The following ZNF438 variants were observed in gnomAD, a reference collection of about 807,000 sequenced individuals.
ZNF438 encodes the protein zinc finger protein 438.
ZNF438 carries 25 observed loss-of-function variants against 38.0 expected under a neutral mutation model. That is an observed-to-expected ratio of 0.66 (90% CI 0.48 to 0.92). The LOEUF (loss-of-function observed/expected upper bound fraction) is 0.92, where lower values mean the gene tolerates loss of function less well. Ranked by LOEUF, ZNF438 falls within the 40% of genes least tolerant of loss-of-function variation. The probability of loss-of-function intolerance (pLI) is 0.00; values close to 1 mark genes in which losing one functional copy is unlikely to be tolerated. For missense variants in ZNF438, 1,007 were observed against 999.6 expected, an observed-to-expected ratio of 1.01 and a Z score of -0.10; for synonymous variants, 372 against 364.1, an observed-to-expected ratio of 1.02 and a Z score of -0.25.
intron 2 of ZNF438, chr10:30,910,358 A>T (rs1361226758): frequency 6.6e-6 from 1 of 152,212 alleles, no homozygotes; most frequent in East Asian, 1.9e-4. Context: ...GCAAATGCTT[A>T]CATTCCTATA....
chr10:30,853,388 T>C (rs989880174), intron 4 of ZNF438, among the ~76,000 whole-genome samples: 2 of 152,226 alleles, frequency 1.3e-5, no homozygotes, highest in Non-Finnish European at 2.9e-5. Flanking sequence ...AAAGGCCTCA[T>C]GCTTAAAAAG....
intron 4 of ZNF438, among the ~76,000 whole-genome samples, chr10:30,866,839 A>C (rs1357692731): frequency 6.6e-6 from 1 of 152,102 alleles, no homozygotes; most frequent in Non-Finnish European, 1.5e-5. Context: ...GTCTCAAAAA[A>C]AAAAAACCAA....
intron 1 of ZNF438, among the ~76,000 whole-genome samples, chr10:30,988,291 A>C (rs1483569657): frequency 6.6e-6 from 1 of 152,092 alleles, no homozygotes; most frequent in Admixed American, 6.6e-5. Context: ...TATATAGAAA[A>C]CAGTAACTTG....
At position 31,000,248 on chromosome 10, in the gene ZNF438, T is replaced by G. The variant is rs750091367; in HGVS notation, c.-192+31585A>C. On this transcript the variant is annotated intron_variant, in intron 1 of 5. Transcript: ENST00000413025. ...ATTTCAGGTATTTCAGATAATGACATCACCATCTAGCCAGCGGAGTCTCAC... is the reference window on the plus strand; with the variant it reads ...ATTTCAGGTATTTCAGATAATGACAGCACCATCTAGCCAGCGGAGTCTCAC... 5.6e-4 allele frequency among the ~76,000 whole-genome samples: 85 copies of G among 152,326 alleles called. 1 individual carries two copies. The highest frequency in any genetic ancestry group is 6.8e-3 in the Middle Eastern group (2 of 294).
intron 4 of ZNF438, among the ~76,000 whole-genome samples, chr10:30,853,194 TTCC>T (rs1316103377): frequency 6.6e-6 from 1 of 152,248 alleles, no homozygotes; most frequent in Non-Finnish European, 1.5e-5. Context: ...TCACTAGTTC[TTCC>T]TCCTAACTGG....
chr10:30,930,836 C>CAAAAAAAAAAAAAAAAAAAAAAAAA (rs2045599179), intron 2 of ZNF438, among the ~76,000 whole-genome samples: 17 of 58,728 alleles, frequency 2.9e-4, no homozygotes, highest in African/African-American at 7.6e-4. Context: ...AAAAAAAAAG[C>CAAAAAAAAAAAAAAAAAAAAAAAAA]AAATGGTTCT....
exon 5 of ZNF438, chr10:30,849,582 T>A: frequency 6.2e-7 from 1 of 1,614,212 alleles, no homozygotes; most frequent in Non-Finnish European, 8.5e-7. Context: ...CCAAGAATGG[T>A]TGGTGATAAA....
At chr10:31,015,127 G>A (rs1029433036) in intron 1 of ZNF438, among the ~76,000 whole-genome samples, 8 of 152,100 alleles carry the variant, frequency 5.3e-5, no homozygotes, top group Admixed American at 2.0e-4. Flanking sequence ...GTCGGCTTCC[G>A]AAAGTGCTGA....
In ZNF438 at chr10:30,937,325, A is replaced by G. The variant is rs536449226; in HGVS notation, c.-115+4250T>C. Among the ~76,000 whole-genome samples the G allele has an allele frequency of 2.0e-5, 3 of 152,358 alleles. No homozygotes were observed. The South Asian group carries it at 6.2e-4, about 32-fold the overall frequency. ...TTTAATGCTAAAAATATTAAAATGC[A>G]TAACATGATTTAGAACATTTCTTCA... On this transcript the variant is annotated intron_variant, in intron 2 of 5. Transcript: ENST00000413025.
At chr10:30,852,915 T>C (rs2033933759) in intron 4 of ZNF438, among the ~76,000 whole-genome samples, 1 of 152,224 alleles carries the variant, frequency 6.6e-6, no homozygotes, top group Non-Finnish European at 1.5e-5. Flanking sequence ...TTAAGTTTTA[T>C]TTTCATAGCC....
chr10:30,902,821 C>G (rs144122624), intron 3 of ZNF438, among the ~76,000 whole-genome samples: 4 of 152,344 alleles, frequency 2.6e-5, no homozygotes, highest in Non-Finnish European at 4.4e-5. Flanking sequence ...CTCCTCAGCC[C>G]TTGGGTGGTA....
intron 5 of ZNF438, 60 bp downstream of exon 6, chr10:30,848,471 C>A (rs535789010): frequency 2.6e-6 from 4 of 1,533,282 alleles, no homozygotes; most frequent in Non-Finnish European, 3.5e-6. Context: ...ATGAAATCTT[C>A]CCCTCTTCCC....
At chr10:30,867,978 CATTT>C in intron 4 of ZNF438, among the ~76,000 whole-genome samples, 1 of 152,040 alleles carries the variant, frequency 6.6e-6, no homozygotes, top group East Asian at 1.9e-4. Context: ...ATTCAAATGA[CATTT>C]ATATTTTTCC....
intron 1 of ZNF438, among the ~76,000 whole-genome samples, chr10:31,014,651 C>T (rs1044730466): frequency 2.6e-5 from 4 of 152,088 alleles, no homozygotes; most frequent in South Asian, 2.1e-4. Context: ...TAATCAGCTG[C>T]GTGATGACGG....
In ZNF438 at chr10:30,917,479, C is replaced by T. The variant is rs117190732; in HGVS notation, c.-114-8464G>A. Reference sequence around the variant, plus strand: ...CTAATGTATAAGAATGCCAGTTGCTCTAGATCCTATCTGATTTTAGACAGT... The same window carrying T: ...CTAATGTATAAGAATGCCAGTTGCTTTAGATCCTATCTGATTTTAGACAGT... On this transcript the variant is annotated intron_variant, in intron 2 of 5. Transcript: ENST00000413025. 8.5e-5 allele frequency among the ~76,000 whole-genome samples: 13 copies of T among 152,198 alleles called. No homozygotes were observed. The East Asian group carries it at 2.5e-3, about 29-fold the overall frequency.
At chr10:30,957,594 CCATTT>C (rs2049003252) in intron 1 of ZNF438, among the ~76,000 whole-genome samples, 2 of 152,052 alleles carry the variant, frequency 1.3e-5, no homozygotes, top group Non-Finnish European at 2.9e-5. Flanking sequence ...TTTCCTAGCC[CCATTT>C]ATTTCAGAGG....
chr10:30,846,969 C>A, intron 5 of ZNF438, among the ~76,000 whole-genome samples: 1 of 152,322 alleles, frequency 6.6e-6, no homozygotes, highest in South Asian at 2.1e-4. Flanking sequence ...CACCTCCTAC[C>A]CCATTGGCCT....
At chr10:30,896,697 T>C (rs1222535900) in intron 3 of ZNF438, among the ~76,000 whole-genome samples, 5 of 151,692 alleles carry the variant, frequency 3.3e-5, no homozygotes, top group African/African-American at 7.3e-5. Context: ...CAGGGAGAAA[T>C]TGGGAGTTGT....
chr10:30,980,656 G>T (rs190536826), intron 1 of ZNF438, among the ~76,000 whole-genome samples: 2 of 152,152 alleles, frequency 1.3e-5, no homozygotes, highest in African/African-American at 4.8e-5. Context: ...TCATGGGAGA[G>T]ACCAAAGTAA....
Sources: gnomAD v4.1 joint callset for allele counts (sites outside exome capture counted in the v4.1 genomes callset) on GRCh38, gnomAD v4.1.1 for gene constraint, MANE v1.5 for transcripts, NCBI Gene and HGNC (gene_info 2026-07-23, HGNC 2026-07-21) for gene names.